The following PDE10A variants were observed in gnomAD, a reference collection of about 807,000 sequenced individuals.
The protein encoded by PDE10A is phosphodiesterase 10A.
PDE10A carries 39 observed loss-of-function variants against 97.7 expected under a neutral mutation model. The observed-to-expected ratio is 0.40, with a 90% CI of 0.31 to 0.52. The LOEUF is 0.52. Among genes scored for constraint, PDE10A ranks in the 20% least tolerant of loss-of-function variants. The probability of loss-of-function intolerance (pLI) is 0.56; values close to 1 mark genes in which losing one functional copy is unlikely to be tolerated. For missense variants in PDE10A, 731 were observed against 1,047.8 expected (o/e 0.70, Z 4.17); for synonymous variants, 371 against 376.8 (o/e 0.98, Z 0.18).
At chr6:165,823,277 A>G (rs1779624299) in intron 1 of PDE10A, among the ~76,000 whole-genome samples, 1 of 150,540 alleles carries the variant, frequency 6.6e-6, no homozygotes, top group South Asian at 2.1e-4. Context: ...TTTTAAAAAA[A>G]CTTATTAAGT....
intron 1 of PDE10A, among the ~76,000 whole-genome samples, chr6:165,778,791 T>C (rs1268543838): frequency 6.6e-6 from 1 of 152,218 alleles, no homozygotes; most frequent in Non-Finnish European, 1.5e-5. Context: ...CACTGACCAC[T>C]GGAGTTTTTT....
intron 1 of PDE10A, among the ~76,000 whole-genome samples, chr6:165,567,876 C>T (rs888694373): frequency 6.6e-6 from 1 of 151,456 alleles, no homozygotes; most frequent in African/African-American, 2.4e-5. Flanking sequence ...TGCTGATAAT[C>T]TATTTATCTG....
At chr6:165,425,770 C>CGTGTGTGTGTGTGTGT (rs57229720) in intron 10 of PDE10A, among the ~76,000 whole-genome samples, 39 of 144,134 alleles carry the variant, frequency 2.7e-4, no homozygotes, top group African/African-American at 6.5e-4. Context: ...AAGGCATGAT[C>CGTGTGTGTGTGTGTGT]GTGTGTGTGT....
At chr6:165,937,036 G>A (rs761839872) in intron 1 of PDE10A, among the ~76,000 whole-genome samples, 13 of 152,198 alleles carry the variant, frequency 8.5e-5, no homozygotes, top group East Asian at 1.9e-4. Context: ...GCGCTGAGAC[G>A]AAGTTCTTCC....
rs572297661 is a variant in PDE10A, at chr6:165,836,363, C to T, written c.-615+151166G>A. 7.2e-5 allele frequency among the ~76,000 whole-genome samples: 11 copies of T among 152,276 alleles called. 1 individual carries two copies. In the East Asian group the frequency reaches 1.7e-3, roughly 24 times the overall value. Reference sequence around the variant, plus strand: ...TATGTTCGTTTTGAAAAGTTCTGACCGGCGCACGTCGGCACAGCCCCTCTT... The same window carrying T: ...TATGTTCGTTTTGAAAAGTTCTGACTGGCGCACGTCGGCACAGCCCCTCTT... On this transcript the variant is annotated intron_variant, in intron 1 of 19. Transcript: ENST00000366882.
intron 13 of PDE10A, among the ~76,000 whole-genome samples, chr6:165,399,949 G>A (rs750358332): frequency 1.3e-5 from 2 of 152,194 alleles, no homozygotes; most frequent in Non-Finnish European, 2.9e-5. Context: ...CCAGTAATGG[G>A]ATTGTTAAAG....
At chr6:165,778,657 C>A in intron 1 of PDE10A, among the ~76,000 whole-genome samples, 1 of 152,204 alleles carries the variant, frequency 6.6e-6, no homozygotes, top group East Asian at 1.9e-4. Context: ...GCTGCTGAGG[C>A]AATTTACTTT....
At chr6:165,341,987 C>T (rs578014308) in intron 19 of PDE10A, among the ~76,000 whole-genome samples, 34 of 152,206 alleles carry the variant, frequency 2.2e-4, no homozygotes, top group African/African-American at 7.7e-4. Flanking sequence ...ACAGTACTGC[C>T]GTATGTACTA....
At chr6:165,702,241 G>T (rs915649663) in intron 1 of PDE10A, among the ~76,000 whole-genome samples, 1 of 152,200 alleles carries the variant, frequency 6.6e-6, no homozygotes. Context: ...AGAAAGCAGA[G>T]AACAAGTACA....
At chr6:165,873,620 A>G (rs969703558) in intron 1 of PDE10A, among the ~76,000 whole-genome samples, 1 of 152,316 alleles carries the variant, frequency 6.6e-6, no homozygotes, top group Non-Finnish European at 1.5e-5. Flanking sequence ...AAAAAAACTT[A>G]TTTGGGTTTA....
chr6:165,404,622 G>A (rs538113433), intron 13 of PDE10A, among the ~76,000 whole-genome samples: 18 of 152,070 alleles, frequency 1.2e-4, no homozygotes, highest in African/African-American at 3.9e-4. Context: ...TCTCTCACAA[G>A]GGAGATAATT....
intron 18 of PDE10A, among the ~76,000 whole-genome samples, chr6:165,375,185 C>A (rs1784539440): frequency 6.6e-6 from 1 of 152,156 alleles, no homozygotes; most frequent in Non-Finnish European, 1.5e-5. Flanking sequence ...CACTTTAAAT[C>A]AAAAGCTAGA....
intron 2 of PDE10A, among the ~76,000 whole-genome samples, chr6:165,526,763 AC>A: frequency 6.6e-6 from 1 of 152,310 alleles, no homozygotes; most frequent in South Asian, 2.1e-4. Flanking sequence ...GTATGCAGCC[AC>A]TGACTTAGCA....
At position 165,594,613 on chromosome 6, in the gene PDE10A, C is replaced by T. The variant is rs567823486; in HGVS notation, c.866-51045G>A. On this transcript the variant is annotated intron_variant, in intron 1 of 21. Transcript: ENST00000539869. ...CATTCAAAAATCATCATTTTATAAG[C>T]CCCAAAGCAATAATTCAGGCAAAGA... Among the ~76,000 whole-genome samples, 6 of 152,094 alleles carry T rather than the reference C, an allele frequency of 3.9e-5. 1 individual carries two copies. In the East Asian group the frequency reaches 1.2e-3, roughly 29 times the overall value.
intron 20 of PDE10A, 65 bp from the exon 21 acceptor site, chr6:165,336,276 A>G: frequency 1.9e-6 from 2 of 1,077,222 alleles, no homozygotes; most frequent in South Asian, 2.6e-5. Flanking sequence ...AGTGATATTT[A>G]TATTTCTTAA....
At chr6:165,620,015 A>C (rs3008021) in intron 1 of PDE10A, among the ~76,000 whole-genome samples, 29,558 of 152,010 alleles carry the variant, frequency 0.19, 4,355 homozygotes, top group African/African-American at 0.42. Context: ...AACCTACAGT[A>C]ATCTAGATTT....
chr6:165,528,049 G>C (rs1782555375), intron 2 of PDE10A, among the ~76,000 whole-genome samples: 7 of 152,234 alleles, frequency 4.6e-5, no homozygotes, highest in Admixed American at 4.6e-4. Context: ...ACTTTGAATG[G>C]AAGGAGAAAT....
At chr6:165,555,526 A>T (rs558824620) in intron 1 of PDE10A, among the ~76,000 whole-genome samples, 2 of 152,326 alleles carry the variant, frequency 1.3e-5, no homozygotes, top group East Asian at 3.9e-4. Context: ...AATATTATGA[A>T]ATTAAGATTG....
At chr6:165,932,979 A>G (rs901094059) in intron 1 of PDE10A, among the ~76,000 whole-genome samples, 19 of 152,314 alleles carry the variant, frequency 1.2e-4, no homozygotes, top group African/African-American at 4.6e-4. Context: ...GCCAGGCAGC[A>G]GTGGGCTCCT....
Sources: gnomAD v4.1 joint callset for allele counts (sites outside exome capture counted in the v4.1 genomes callset) on GRCh38, gnomAD v4.1.1 for gene constraint, MANE v1.5 for transcripts, NCBI Gene and HGNC (gene_info 2026-07-23, HGNC 2026-07-21) for gene names.